The following LRP1B variants were observed in gnomAD, a reference collection of about 807,000 sequenced individuals.
LRP1B encodes LDL receptor related protein 1B.
In LRP1B, 217 loss-of-function variants were observed where a neutral mutation model predicts 556.6. The observed-to-expected ratio is 0.39, with a 90% CI of 0.35 to 0.44. The LOEUF (loss-of-function observed/expected upper bound fraction) is 0.44, where lower values mean the gene tolerates loss of function less well. LRP1B is among the 20% of genes least tolerant of loss of function. The pLI, the probability that LRP1B is intolerant of heterozygous loss-of-function variation, is 1.00. For missense variants in LRP1B, 5,053 were observed against 5,620.8 expected (o/e 0.90, Z 3.23); for synonymous variants, 2,047 against 1,865.8 (o/e 1.10, Z -2.50).
intron 32 of LRP1B, among the ~76,000 whole-genome samples, chr2:140,794,333 G>T (rs10177066): frequency 6.6e-6 from 1 of 151,870 alleles, no homozygotes; most frequent in African/African-American, 2.4e-5. Flanking sequence ...AATACACCAA[G>T]TATTCTTCAA....
intron 4 of LRP1B, among the ~76,000 whole-genome samples, chr2:141,251,895 G>T (rs971885023): frequency 2.6e-5 from 4 of 152,108 alleles, no homozygotes; most frequent in Non-Finnish European, 5.9e-5. Flanking sequence ...GAAGCTGTCT[G>T]CTCATATCCC....
intron 3 of LRP1B, among the ~76,000 whole-genome samples, chr2:141,281,262 G>C (rs948616210): frequency 6.6e-6 from 1 of 151,866 alleles, no homozygotes; most frequent in Non-Finnish European, 1.5e-5. Context: ...ACATTAGTAT[G>C]TCTTTTTATT....
intron 2 of LRP1B, among the ~76,000 whole-genome samples, chr2:141,524,789 A>G (rs1684640531): frequency 6.6e-6 from 1 of 151,966 alleles, no homozygotes; most frequent in Non-Finnish European, 1.5e-5. Flanking sequence ...CAGAGAGAGA[A>G]AGAGAGAGAC....
intron 2 of LRP1B, among the ~76,000 whole-genome samples, chr2:141,600,647 C>T (rs951173502): frequency 1.3e-5 from 2 of 152,094 alleles, no homozygotes; most frequent in African/African-American, 2.4e-5. Flanking sequence ...TGTCTGCTAC[C>T]TACCACAGCA....
intron 1 of LRP1B, among the ~76,000 whole-genome samples, chr2:142,129,231 A>G (rs2105025438): frequency 6.6e-6 from 1 of 152,306 alleles, no homozygotes; most frequent in East Asian, 1.9e-4. Flanking sequence ...ATAGTTTCCA[A>G]CCATTCCACA....
rs189838142 is a variant in LRP1B at position 141,045,031 on chromosome 2, C to T, written c.1789+3955G>A. On this transcript the variant is annotated intron_variant, in intron 11 of 90. Coordinates refer to ENST00000389484, the MANE Select transcript of LRP1B (RefSeq NM_018557.3). Reference sequence around the variant, plus strand: ...ACTTGGAACCAACCCAAATGTCCAACAATGATAGACTGGATTAAGAAAACG... The same window carrying T: ...ACTTGGAACCAACCCAAATGTCCAATAATGATAGACTGGATTAAGAAAACG... Among the ~76,000 whole-genome samples, 980 of 151,510 alleles carry T rather than the reference C, an allele frequency of 6.5e-3. 11 individuals carry two copies. The highest frequency in any genetic ancestry group is 0.023 in the African/African-American group (929 of 41,286).
intron 2 of LRP1B, among the ~76,000 whole-genome samples, chr2:141,737,306 C>T (rs1693511893): frequency 6.6e-6 from 1 of 152,110 alleles, no homozygotes; most frequent in Non-Finnish European, 1.5e-5. Flanking sequence ...GAGCCAAGAT[C>T]ACGCCACTGC....
intron 1 of LRP1B, among the ~76,000 whole-genome samples, chr2:142,105,234 AC>A (rs1387035631): frequency 6.6e-6 from 1 of 152,182 alleles, no homozygotes; most frequent in Admixed American, 6.6e-5. Context: ...TCTAAAAGCA[AC>A]TGAAAACCAT....
At chr2:140,514,591 T>C (rs1689806216) in intron 51 of LRP1B, 62 bp downstream of exon 51, 2 of 1,455,770 alleles carry the variant, frequency 1.4e-6, no homozygotes, top group Admixed American at 2.2e-5. Flanking sequence ...GTGTATGCTA[T>C]AAAATGATAG....
At chr2:141,459,684 G>A (rs745958961) in intron 3 of LRP1B, among the ~76,000 whole-genome samples, 1 of 152,120 alleles carries the variant, frequency 6.6e-6, no homozygotes, top group Admixed American at 6.6e-5. Context: ...ATAAAGGAAA[G>A]TTTTCCTGCA....
chr2:140,971,300 A>T (rs1306954867), intron 18 of LRP1B, among the ~76,000 whole-genome samples: 2 of 152,090 alleles, frequency 1.3e-5, no homozygotes, highest in Non-Finnish European at 2.9e-5. Context: ...ATGTTGCCCC[A>T]AGCCAAGAAA....
At chr2:140,385,783 G>A (rs1313968833) in intron 67 of LRP1B, 110 bp downstream of exon 67, 3 of 732,590 alleles carry the variant, frequency 4.1e-6, no homozygotes, top group East Asian at 2.5e-5. Context: ...GCATAAAAAT[G>A]TGAGCCATAA....
At chr2:140,997,366 C>T (rs1047093432) in intron 15 of LRP1B, among the ~76,000 whole-genome samples, 13 of 151,784 alleles carry the variant, frequency 8.6e-5, no homozygotes, top group African/African-American at 3.1e-4. Context: ...GGAAATGCTG[C>T]TAATAAACTT....
At chr2:140,979,761 C>A (rs2105340212) in intron 18 of LRP1B, among the ~76,000 whole-genome samples, 1 of 152,206 alleles carries the variant, frequency 6.6e-6, no homozygotes, top group South Asian at 2.1e-4. Context: ...ACAAAGTCAG[C>A]CTAAAATGGT....
At chr2:140,936,054 A>AG (rs1310103371) in intron 20 of LRP1B, among the ~76,000 whole-genome samples, 1 of 150,880 alleles carries the variant, frequency 6.6e-6, no homozygotes, top group African/African-American at 2.4e-5. Context: ...AAAAAAAAAA[A>AG]CTTGCCTGGG....
intron 66 of LRP1B, among the ~76,000 whole-genome samples, chr2:140,427,411 G>A (rs951675651): frequency 4.6e-5 from 7 of 151,790 alleles, no homozygotes; most frequent in African/African-American, 1.7e-4. Context: ...CCCTCCGTTC[G>A]TCCTTCTTCT....
intron 3 of LRP1B, among the ~76,000 whole-genome samples, chr2:141,394,373 G>A (rs1348907424): frequency 2.0e-5 from 3 of 152,200 alleles, no homozygotes; most frequent in Non-Finnish European, 4.4e-5. Flanking sequence ...CTATTGGCAA[G>A]TTGTTGTAAT....
At chr2:141,468,679 C>CT (rs1236158807) in intron 3 of LRP1B, among the ~76,000 whole-genome samples, 1 of 150,958 alleles carries the variant, frequency 6.6e-6, no homozygotes, top group Non-Finnish European at 1.5e-5. Flanking sequence ...AATTCAAGTT[C>CT]TTAGAGCTAC....
At chr2:141,139,931 A>T (rs1450228201) in intron 7 of LRP1B, among the ~76,000 whole-genome samples, 1 of 151,960 alleles carries the variant, frequency 6.6e-6, no homozygotes, top group Non-Finnish European at 1.5e-5. Flanking sequence ...ATAGAAAAAA[A>T]CTTGAAGCTA....
Sources: gnomAD v4.1 joint callset for allele counts (sites outside exome capture counted in the v4.1 genomes callset) on GRCh38, gnomAD v4.1.1 for gene constraint, MANE v1.5 for transcripts, NCBI Gene and HGNC (gene_info 2026-07-23, HGNC 2026-07-21) for gene names.